TUSC3: variants seen among roughly 807,000 people sequenced by gnomAD.
TUSC3 encodes dolichyl-diphosphooligosaccharide--protein glycosyltransferase subunit TUSC3.
In TUSC3, 45 loss-of-function variants were observed where a neutral mutation model predicts 44.8. The observed-to-expected ratio is 1.00, with a 90% CI of 0.79 to 1.29. TUSC3 has a LOEUF of 1.29. Ranked by LOEUF, TUSC3 falls within the 50% of genes most tolerant of loss-of-function variation. TUSC3 has a pLI of 0.00. For missense variants in TUSC3, 519 were observed against 437.9 expected (o/e 1.19, Z -1.65); for synonymous variants, 212 against 152.9 (o/e 1.39, Z -2.85).
At chr8:15,625,242 G>C (rs1358098684) in intron 2 of TUSC3, among the ~76,000 whole-genome samples, 1 of 149,570 alleles carries the variant, frequency 6.7e-6, no homozygotes, top group Non-Finnish European at 1.5e-5. Context: ...GATTCAGTTT[G>C]CTAATTTTTT....
chr8:15,791,304 C>T, the TUSC3 span, among the ~76,000 whole-genome samples: 1 of 151,698 alleles, frequency 6.6e-6, no homozygotes, highest in Admixed American at 6.6e-5. Context: ...CACACACACA[C>T]AGGCATCTTG....
the TUSC3 span, among the ~76,000 whole-genome samples, chr8:15,788,316 G>A: frequency 5.4e-3 from 823 of 152,190 alleles, 9 homozygotes; most frequent in African/African-American, 0.019. Context: ...AGAGGCCAAG[G>A]CAGGAGGATC....
At chr8:15,724,389 T>A (rs1474015740) in intron 6 of TUSC3, among the ~76,000 whole-genome samples, 1 of 152,160 alleles carries the variant, frequency 6.6e-6, no homozygotes, top group Non-Finnish European at 1.5e-5. Flanking sequence ...ATATAGACAT[T>A]GATCAGGAAA....
intron 3 of TUSC3, among the ~76,000 whole-genome samples, chr8:15,652,838 A>G (rs1806975273): frequency 6.6e-6 from 1 of 152,176 alleles, no homozygotes; most frequent in Admixed American, 6.5e-5. Context: ...AATATCTTAC[A>G]TGACTAGACT....
chr8:15,647,544 C>T (rs1192426692), intron 2 of TUSC3, among the ~76,000 whole-genome samples: 1 of 152,180 alleles, frequency 6.6e-6, no homozygotes, highest in Admixed American at 6.5e-5. Flanking sequence ...TTGGTTGCAT[C>T]ATAGCTTCAC....
chr8:15,441,055 T>G (rs1585790371), intron 1 of TUSC3, among the ~76,000 whole-genome samples: 1 of 152,238 alleles, frequency 6.6e-6, no homozygotes, highest in Non-Finnish European at 1.5e-5. Context: ...TTAAGTTTGG[T>G]TTCTTTCATT....
chr8:15,663,543 A>G (rs892282561), intron 5 of TUSC3, among the ~76,000 whole-genome samples: 12 of 151,940 alleles, frequency 7.9e-5, no homozygotes, highest in African/African-American at 2.2e-4. Flanking sequence ...CATTTTCTGC[A>G]GTAATACCTA....
chr8:15,561,548 G>C (rs1449153882), intron 1 of TUSC3: 2 of 151,902 alleles, frequency 1.3e-5, no homozygotes, highest in East Asian at 3.9e-4. Flanking sequence ...CGAGCTTCCT[G>C]GCTGCTTTGT....
At chr8:15,609,010 A>T (rs1433118927) in intron 1 of TUSC3, among the ~76,000 whole-genome samples, 3 of 152,138 alleles carry the variant, frequency 2.0e-5, no homozygotes, top group Non-Finnish European at 2.9e-5. Flanking sequence ...AGCGTTGGAA[A>T]TTTTTTAAAG....
At chr8:15,455,644 T>A (rs759363157) in intron 1 of TUSC3, among the ~76,000 whole-genome samples, 11 of 152,194 alleles carry the variant, frequency 7.2e-5, no homozygotes, top group Non-Finnish European at 1.2e-4. Context: ...TTCTAGCCAA[T>A]GAGACCACCT....
At chr8:15,462,937 T>C (rs1441701339) in intron 1 of TUSC3, among the ~76,000 whole-genome samples, 1 of 152,106 alleles carries the variant, frequency 6.6e-6, no homozygotes, top group African/African-American at 2.4e-5. Context: ...AGGTGTAAAC[T>C]GTTAGTAAAG....
the TUSC3 span, among the ~76,000 whole-genome samples, chr8:15,771,693 C>T: frequency 0.76 from 115,116 of 152,010 alleles, 43,804 homozygotes; most frequent in African/African-American, 0.79. Flanking sequence ...TAGAAAACAC[C>T]TGAAGACAAA....
At chr8:15,469,955 C>G (rs1316304524) in intron 1 of TUSC3, among the ~76,000 whole-genome samples, 3 of 151,912 alleles carry the variant, frequency 2.0e-5, no homozygotes, top group Admixed American at 6.6e-5. Context: ...ATTATGAAGA[C>G]AGTAAAGAGA....
rs780306913 is a variant in TUSC3, at chr8:15,449,207, C to T, written n.91+31902C>T. ...GGACAGGGATTTATGCTGAAGGAAGCGGCCAAATATACATATTCAGTAAGC... is the reference window on the plus strand; with the variant it reads ...GGACAGGGATTTATGCTGAAGGAAGTGGCCAAATATACATATTCAGTAAGC... On this transcript the variant is annotated intron_variant and non_coding_transcript_variant, in intron 1 of 5. Transcript: ENST00000503191. Among the ~76,000 whole-genome samples the T allele has an allele frequency of 6.6e-5, 10 of 152,168 alleles. No individual in the cohort carries two copies. The East Asian group carries it at 1.2e-3, about 18-fold the overall frequency.
At chr8:15,798,090 T>C in the TUSC3 span, among the ~76,000 whole-genome samples, 12 of 152,190 alleles carry the variant, frequency 7.9e-5, no homozygotes, top group African/African-American at 2.9e-4. Context: ...TATGTCCCAC[T>C]AGGGGTTCTC....
chr8:15,694,260 T>C (rs1024535745), intron 6 of TUSC3, among the ~76,000 whole-genome samples: 1 of 151,906 alleles, frequency 6.6e-6, no homozygotes, highest in African/African-American at 2.4e-5. Context: ...CTAGCCAACA[T>C]GGTGAAACCC....
Position 15,762,755 on chromosome 8 carries a change from T to C in TUSC3, c.*47-1448T>C, listed in dbSNP as rs563842557. On this transcript the variant is annotated intron_variant, in intron 10 of 10. Coordinates refer to ENST00000503731, the MANE Select transcript of TUSC3 (RefSeq NM_006765.4). Reference sequence around the variant, plus strand: ...CAAGCTGATGATGGCTTGTGTGTGCTAGCAGGATGAACGCTATCTTTTCAA... The same window carrying C: ...CAAGCTGATGATGGCTTGTGTGTGCCAGCAGGATGAACGCTATCTTTTCAA... 9.2e-5 allele frequency among the ~76,000 whole-genome samples: 14 copies of C among 152,224 alleles called. No homozygotes were observed. In the South Asian group the frequency reaches 2.9e-3, roughly 32 times the overall value.
At chr8:15,778,069 G>A in the TUSC3 span, among the ~76,000 whole-genome samples, 1 of 147,674 alleles carries the variant, frequency 6.8e-6, no homozygotes, top group Non-Finnish European at 1.5e-5. Flanking sequence ...CAATCTGAGT[G>A]ACATCAGACT....
intron 2 of TUSC3, among the ~76,000 whole-genome samples, chr8:15,511,765 G>A (rs1306542965): frequency 6.6e-6 from 1 of 152,056 alleles, no homozygotes; most frequent in Non-Finnish European, 1.5e-5. Context: ...AGATACTTGG[G>A]AGGCTGAGGA....
Sources: gnomAD v4.1 joint callset for allele counts (sites outside exome capture counted in the v4.1 genomes callset) on GRCh38, gnomAD v4.1.1 for gene constraint, MANE v1.5 for transcripts, NCBI Gene and HGNC (gene_info 2026-07-23, HGNC 2026-07-21) for gene names.